The following BCAS3 variants were observed in gnomAD, a reference collection of about 807,000 sequenced individuals.
BCAS3 encodes the protein BCAS3 microtubule associated cell migration factor, also known as BCAS4/BCAS3 fusion.
A neutral mutation model predicts 116.1 loss-of-function variants in BCAS3; 53 were observed. The ratio of observed to expected loss-of-function variants is 0.46; its 90% CI spans 0.37 to 0.57. The LOEUF (loss-of-function observed/expected upper bound fraction) is 0.57, where lower values mean the gene tolerates loss of function less well. Among genes scored for constraint, BCAS3 ranks in the 20% least tolerant of loss-of-function variants. BCAS3 has a pLI of 0.00. For synonymous variants in BCAS3, 391 were observed against 408.2 expected, an observed-to-expected ratio of 0.96 and a Z score of 0.51; for missense variants, 917 against 1,165.4, an observed-to-expected ratio of 0.79 and a Z score of 3.10.
chr17:60,955,627 G>A (rs1465557531), intron 14 of BCAS3, among the ~76,000 whole-genome samples: 5 of 151,946 alleles, frequency 3.3e-5, no homozygotes, highest in South Asian at 4.2e-4. Flanking sequence ...CTTGTGATCC[G>A]CCCTCCTTGG....
intron 15 of BCAS3, among the ~76,000 whole-genome samples, chr17:61,011,787 TC>T (rs2065127989): frequency 6.6e-6 from 1 of 152,010 alleles, no homozygotes; most frequent in South Asian, 2.1e-4. Context: ...TAGTGTAAAA[TC>T]ATTTATAACC....
chr17:61,344,636 G>A lies in BCAS3; in HGVS notation c.2426-23691G>A, dbSNP rs962600259. 4.6e-5 allele frequency among the ~76,000 whole-genome samples: 7 copies of A among 152,170 alleles called. No homozygotes were observed. The highest frequency in any genetic ancestry group is 1.7e-4 in the African/African-American group (7 of 41,432). ...GGGCACCTGACCTAACCTAGGAGAG[G>A]ATCAGAAAAGGCTTCCCAGAAGTTC... On this transcript the variant is annotated intron_variant, in intron 22 of 23. Transcript: ENST00000407086. The surrounding 1 kb of genome is among the most constrained non-coding windows in gnomAD (Gnocchi z 4.1).
chr17:60,923,893 G>A (rs916616373), intron 12 of BCAS3, among the ~76,000 whole-genome samples: 2 of 152,058 alleles, frequency 1.3e-5, no homozygotes, highest in African/African-American at 4.8e-5. Flanking sequence ...TGAAGAACAC[G>A]ACTTTCATAC....
At chr17:60,705,316 C>A (rs188484383) in intron 4 of BCAS3, among the ~76,000 whole-genome samples, 2 of 152,014 alleles carry the variant, frequency 1.3e-5, no homozygotes, top group African/African-American at 4.8e-5. Flanking sequence ...GTCAGGAGTT[C>A]GAGACCAGCC....
intron 15 of BCAS3, among the ~76,000 whole-genome samples, chr17:60,999,858 G>C (rs554191652): frequency 2.6e-5 from 4 of 152,212 alleles, no homozygotes; most frequent in South Asian, 2.1e-4. Flanking sequence ...TCCTTGTAGA[G>C]GTCTTTCACC....
chr17:60,977,089 G>T (rs1363842171), intron 14 of BCAS3, among the ~76,000 whole-genome samples: 7 of 151,866 alleles, frequency 4.6e-5, no homozygotes, highest in South Asian at 2.1e-4. Flanking sequence ...CCCGGACGGG[G>T]TGGCTGGCCG....
intron 6 of BCAS3, among the ~76,000 whole-genome samples, chr17:60,764,604 C>T (rs926820604): frequency 6.6e-5 from 10 of 152,114 alleles, no homozygotes; most frequent in African/African-American, 2.2e-4. Flanking sequence ...CTGAGGAGTG[C>T]TTTACTTCCA....
chr17:60,873,773 G>T (rs2055339639), intron 8 of BCAS3, among the ~76,000 whole-genome samples: 1 of 152,140 alleles, frequency 6.6e-6, no homozygotes, highest in Middle Eastern at 3.2e-3. Flanking sequence ...AAAGTGATGG[G>T]TTACATAAAT....
At chr17:61,067,762 C>A (rs1226202843) in intron 19 of BCAS3, among the ~76,000 whole-genome samples, 2 of 143,810 alleles carry the variant, frequency 1.4e-5, no homozygotes, top group South Asian at 4.3e-4. Context: ...TATATAGAAA[C>A]ACACACATGT....
chr17:60,996,225 A>G (rs185341814), intron 15 of BCAS3, among the ~76,000 whole-genome samples: 1 of 152,310 alleles, frequency 6.6e-6, no homozygotes, highest in East Asian at 1.9e-4. Flanking sequence ...TAGAATGGAG[A>G]TCTGTATTGA....
At chr17:60,988,698 G>C (rs1194506651) in intron 14 of BCAS3, among the ~76,000 whole-genome samples, 1 of 151,904 alleles carries the variant, frequency 6.6e-6, no homozygotes, top group African/African-American at 2.4e-5. Context: ...GCTCATAGTA[G>C]CCTCTAATGA....
rs549749823 is a variant in BCAS3 at position 61,098,949 on chromosome 17, C to A, written c.2425+14385C>A. On this transcript the variant is annotated intron_variant, in intron 22 of 23. Coordinates refer to ENST00000407086, the MANE Select transcript of BCAS3 (RefSeq NM_017679.5). This position sits in a 1 kb window ranked among gnomAD's most constrained non-coding sequence, Gnocchi z 4.2. ...ATCATCCTGGCTAACACGGTGAAAC[C>A]CCATCTCTACTAAAAATACGAAAAA... is the stretch of plus-strand genomic sequence containing the variant. Among the ~76,000 whole-genome samples, 82 of 152,062 alleles carry A rather than the reference C, an allele frequency of 5.4e-4. No homozygotes were observed. Among genetic ancestry groups the A allele is most frequent in the Non-Finnish European group, 1.1e-3 (72 of 68,006 alleles).
chr17:61,107,029 G>A (rs537904737), intron 22 of BCAS3, among the ~76,000 whole-genome samples: 2 of 148,564 alleles, frequency 1.3e-5, no homozygotes, highest in South Asian at 4.3e-4. Flanking sequence ...TTCAGCTAAG[G>A]TTGATGTTCC....
In BCAS3 at chr17:61,286,488, G is replaced by A. The variant is rs985645272; in HGVS notation, c.2426-81839G>A. Among the ~76,000 whole-genome samples the A allele has an allele frequency of 9.9e-5, 15 of 152,284 alleles. No homozygotes were observed. Among genetic ancestry groups the A allele is most frequent in the African/African-American group, 2.9e-4 (12 of 41,548 alleles). The stretch of plus-strand genomic sequence containing the variant: ...TGACCCTGGAGGCCATCGATAACTG[G>A]ACCTAGAAGGGTTTCTCCAGATTTT... On this transcript the variant is annotated intron_variant, in intron 22 of 23. Transcript: ENST00000407086. This position sits in a 1 kb window ranked among gnomAD's most constrained non-coding sequence, Gnocchi z 4.8.
In BCAS3 at chr17:60,910,620, C is replaced by T. The variant is rs201047855; in HGVS notation, c.911C>T (p.Ala304Val). The T allele has an allele frequency of 6.0e-5, 97 of 1,613,360 alleles. No homozygotes were observed. Among genetic ancestry groups the T allele is most frequent in the Non-Finnish European group, 7.0e-5 (83 of 1,179,740 alleles). Residue 304 changes from alanine (A) to valine (V), a missense_variant, in exon 12 of 24, where the codon GCC becomes GTC. This residue lies in a region of BCAS3 where 807 missense variants were observed against 1,026.0 expected (regional missense o/e 0.79). Transcript: ENST00000407086. ...TCAGGTGTGACAGAAGATGATGTTG[C>T]CATCCACAGTAATTCACGGCGGAGT... ...LPSGVTEDDV[A>V]IHSNSRRSPL...
At chr17:60,718,693 G>C (rs2038915354) in intron 5 of BCAS3, among the ~76,000 whole-genome samples, 1 of 152,144 alleles carries the variant, frequency 6.6e-6, no homozygotes, top group African/African-American at 2.4e-5. Context: ...TAATAATGTG[G>C]AGTACTTTTT....
At chr17:60,971,120 G>C (rs2145347950) in intron 14 of BCAS3, among the ~76,000 whole-genome samples, 1 of 152,312 alleles carries the variant, frequency 6.6e-6, no homozygotes, top group Middle Eastern at 3.4e-3. Flanking sequence ...TACCTTGGCT[G>C]TGAGTGATCC....
chr17:61,086,385 G>A (rs1021635888), intron 22 of BCAS3, among the ~76,000 whole-genome samples: 6 of 152,176 alleles, frequency 3.9e-5, no homozygotes, highest in African/African-American at 1.2e-4. Flanking sequence ...GAGCCACTGC[G>A]TCTGGCCAAC....
At chr17:61,255,446 T>C (rs1237636974) in intron 22 of BCAS3, among the ~76,000 whole-genome samples, 1 of 152,250 alleles carries the variant, frequency 6.6e-6, no homozygotes, top group Non-Finnish European at 1.5e-5. Flanking sequence ...TTTGATGATG[T>C]CTTGAGAGTA....
Sources: allele counts gnomAD v4.1 joint callset (sites outside exome capture counted in the v4.1 genomes callset), GRCh38; gene constraint gnomAD v4.1.1; regional missense constraint gnomAD v4.1.1; non-coding constraint Gnocchi (gnomAD v3.1); transcripts MANE v1.5; gene names NCBI Gene and HGNC (gene_info 2026-07-23, HGNC 2026-07-21).